RNLS: variants seen among roughly 807,000 people sequenced by gnomAD.
RNLS encodes the protein renalase, FAD dependent amine oxidase.
Under a neutral mutation model 39.8 loss-of-function variants are expected in RNLS, and 39 were observed. The observed-to-expected ratio is 0.98, with a 90% CI of 0.76 to 1.28. The LOEUF (loss-of-function observed/expected upper bound fraction) is 1.28, where lower values mean the gene tolerates loss of function less well. RNLS is among the 50% of genes most tolerant of loss of function. The pLI is 0.00. For missense variants in RNLS, 410 were observed against 413.3 expected (o/e 0.99, Z 0.07); for synonymous variants, 147 against 150.7 (o/e 0.98, Z 0.18).
At chr10:88,443,475 G>C (rs1046748001) in intron 4 of RNLS, among the ~76,000 whole-genome samples, 1 of 152,188 alleles carries the variant, frequency 6.6e-6, no homozygotes, top group Non-Finnish European at 1.5e-5. Flanking sequence ...GTGCAGGACA[G>C]TGGGTGCAGC....
chr10:88,368,986 T>G (rs1850331756), intron 4 of RNLS, among the ~76,000 whole-genome samples: 1 of 152,116 alleles, frequency 6.6e-6, no homozygotes, highest in African/African-American at 2.4e-5. Flanking sequence ...AGACTAAACA[T>G]TCTTCATATG....
At chr10:88,385,585 CACCCTCTCTGTCTCTGCCA>C (rs1448052964) in intron 4 of RNLS, among the ~76,000 whole-genome samples, 1 of 152,196 alleles carries the variant, frequency 6.6e-6, no homozygotes, top group Non-Finnish European at 1.5e-5. Flanking sequence ...AGGTTGACCC[CACCCTCTCTGTCTCTGCCA>C]AGCAAAGAGC....
Position 88,502,496 on chromosome 10 carries a change from C to T in RNLS, c.526+70407G>A, listed in dbSNP as rs376529396. ...CCCTTGCACAGGGCTGCTCCTCTTT[C>T]GCTTTCCACCTTGAGTGGAAGTAGC... On this transcript the variant is annotated intron_variant, in intron 4 of 6. Transcript: ENST00000331772. Among the ~76,000 whole-genome samples, 26 of 152,130 alleles carry T rather than the reference C, an allele frequency of 1.7e-4. No homozygotes were observed. The East Asian group carries it at 3.1e-3, about 18-fold the overall frequency.
At chr10:88,349,401 T>A (rs1189745818) in intron 5 of RNLS, among the ~76,000 whole-genome samples, 1 of 152,164 alleles carries the variant, frequency 6.6e-6, no homozygotes, top group Non-Finnish European at 1.5e-5. Context: ...TTGTTTTTAC[T>A]TTGTGTGCAA....
intron 4 of RNLS, among the ~76,000 whole-genome samples, chr10:88,375,027 A>G (rs1314711648): frequency 6.6e-6 from 1 of 152,150 alleles, no homozygotes; most frequent in Non-Finnish European, 1.5e-5. Context: ...TTTCCTTCTT[A>G]AAGTATATAT....
At chr10:88,547,024 A>G (rs1848349842) in intron 4 of RNLS, among the ~76,000 whole-genome samples, 1 of 152,160 alleles carries the variant, frequency 6.6e-6, no homozygotes, top group African/African-American at 2.4e-5. Context: ...GGCTAAATTG[A>G]TAGTATGTGC....
intron 5 of RNLS, among the ~76,000 whole-genome samples, chr10:88,338,851 TC>T (rs1214184587): frequency 7.1e-6 from 1 of 141,174 alleles, no homozygotes; most frequent in African/African-American, 2.6e-5. Context: ...AAGCTCCGCC[TC>T]CCGGGCTCAC....
chr10:88,451,854 T>C (rs768664049), intron 4 of RNLS, among the ~76,000 whole-genome samples: 1 of 152,218 alleles, frequency 6.6e-6, no homozygotes, highest in Non-Finnish European at 1.5e-5. Context: ...CTCCGATACT[T>C]TTCTCTGATG....
chr10:88,173,451 T>A, the RNLS span, among the ~76,000 whole-genome samples: 6 of 152,250 alleles, frequency 3.9e-5, no homozygotes, highest in Non-Finnish European at 8.8e-5. Context: ...TGCTCAGTAT[T>A]GCTTTGGCTA....
intron 4 of RNLS, among the ~76,000 whole-genome samples, chr10:88,528,999 A>T (rs1847269943): frequency 6.6e-6 from 1 of 152,186 alleles, no homozygotes; most frequent in Non-Finnish European, 1.5e-5. Flanking sequence ...TAATGCTAGG[A>T]ATGTCCTCAA....
chr10:88,255,203 T>A, the RNLS span, among the ~76,000 whole-genome samples: 1 of 152,240 alleles, frequency 6.6e-6, no homozygotes, highest in Non-Finnish European at 1.5e-5. Flanking sequence ...AGAATTCTCC[T>A]CTTGCCATCA....
intron 5 of RNLS, among the ~76,000 whole-genome samples, chr10:88,346,778 T>C (rs111906140): frequency 4.2e-4 from 64 of 152,334 alleles, no homozygotes; most frequent in African/African-American, 1.5e-3. Context: ...TTTTCAATCT[T>C]GATCAAGATA....
At chr10:88,372,101 A>C (rs1041522558) in intron 4 of RNLS, among the ~76,000 whole-genome samples, 13 of 152,132 alleles carry the variant, frequency 8.5e-5, no homozygotes, top group Non-Finnish European at 1.6e-4. Context: ...ATTTTTTTAG[A>C]AGCAAGTTCT....
the RNLS span, among the ~76,000 whole-genome samples, chr10:88,200,731 A>C: frequency 2.0e-4 from 30 of 152,340 alleles, no homozygotes; most frequent in South Asian, 5.8e-3. Context: ...TTGTTGTAGT[A>C]GATTATTCAC....
chr10:88,178,615 C>T, the RNLS span, among the ~76,000 whole-genome samples: 1 of 152,196 alleles, frequency 6.6e-6, no homozygotes. Flanking sequence ...AATTTCCATG[C>T]CTTAGAGGGT....
At chr10:88,257,618 G>GCTAGTT in the RNLS span, among the ~76,000 whole-genome samples, 1 of 152,142 alleles carries the variant, frequency 6.6e-6, no homozygotes, top group African/African-American at 2.4e-5. Context: ...TTTCTAAATG[G>GCTAGTT]TCAGGCTGGG....
chr10:88,360,955 C>CA (rs1396352687), intron 5 of RNLS, among the ~76,000 whole-genome samples: 1 of 152,140 alleles, frequency 6.6e-6, no homozygotes, highest in East Asian at 1.9e-4. Context: ...CTCAGGCTAC[C>CA]ATAACAAAAT....
chr10:88,436,239 C>T (rs950509325), intron 4 of RNLS, among the ~76,000 whole-genome samples: 1 of 152,102 alleles, frequency 6.6e-6, no homozygotes, highest in African/African-American at 2.4e-5. Context: ...CTTACCTTTA[C>T]TAAGTAAAAG....
intron 4 of RNLS, among the ~76,000 whole-genome samples, chr10:88,524,998 TAC>T (rs1420465465): frequency 0.024 from 2,525 of 103,918 alleles, 75 homozygotes; most frequent in African/African-American, 0.026. Flanking sequence ...TATATATATA[TAC>T]ACACACACAC....
Sources: allele counts gnomAD v4.1 joint callset (sites outside exome capture counted in the v4.1 genomes callset), GRCh38; gene constraint gnomAD v4.1.1; transcripts MANE v1.5; gene names NCBI Gene and HGNC (gene_info 2026-07-23, HGNC 2026-07-21).